PHACTR3: variants seen among roughly 807,000 people sequenced by gnomAD.
The protein encoded by PHACTR3 is protein phosphatase 1, regulatory subunit 123.
Under a neutral mutation model 66.8 loss-of-function variants are expected in PHACTR3, and 16 were observed. The observed-to-expected ratio is 0.24, with a 90% CI of 0.16 to 0.36. PHACTR3 has a LOEUF of 0.36. PHACTR3 is among the 10% of genes least tolerant of loss of function. The pLI, the probability that PHACTR3 is intolerant of heterozygous loss-of-function variation, is 1.00. For synonymous variants in PHACTR3, 323 were observed against 292.1 expected (o/e 1.11, Z -1.08); for missense variants, 647 against 719.9 (o/e 0.90, Z 1.16).
chr20:59,615,099 A>G (rs562734408), intron 1 of PHACTR3, among the ~76,000 whole-genome samples: 19 of 152,134 alleles, frequency 1.2e-4, no homozygotes, highest in African/African-American at 4.1e-4. Context: ...CAGGTTTTCC[A>G]TCAAGAGGGG....
At chr20:59,708,960 A>G (rs570438985) in intron 1 of PHACTR3, among the ~76,000 whole-genome samples, 89 of 152,264 alleles carry the variant, frequency 5.8e-4, no homozygotes, top group African/African-American at 2.1e-3. Flanking sequence ...CCATGGGACT[A>G]CCTTCCAGTC....
intron 4 of PHACTR3, among the ~76,000 whole-genome samples, chr20:59,764,640 G>A (rs1455836575): frequency 6.6e-6 from 1 of 152,162 alleles, no homozygotes; most frequent in Non-Finnish European, 1.5e-5. Flanking sequence ...GAGGCCGGGT[G>A]AGCCAGTTCC....
chr20:59,705,364 T>C lies in PHACTR3; in HGVS notation c.119-37743T>C, dbSNP rs1490050843. Among the ~76,000 whole-genome samples the C allele has an allele frequency of 2.0e-5, 3 of 152,326 alleles. No homozygotes were observed. In the East Asian group the frequency reaches 5.8e-4, roughly 29 times the overall value. On this transcript the variant is annotated intron_variant, in intron 1 of 12. Coordinates refer to ENST00000371015, the MANE Select transcript of PHACTR3 (RefSeq NM_080672.5). ...GAGTTTTATTTCTATGTGTTTAATG[T>C]TTTGCATTGGTTATTGCAGATGAGA...
At chr20:59,833,553 C>T (rs374933654) in intron 8 of PHACTR3, among the ~76,000 whole-genome samples, 10 of 152,050 alleles carry the variant, frequency 6.6e-5, no homozygotes, top group East Asian at 1.9e-4. Flanking sequence ...CAACAAAGGG[C>T]GGGGGGAAGC....
At chr20:59,843,431 C>A (rs1275962159) in intron 11 of PHACTR3, 1 of 151,998 alleles carries the variant, frequency 6.6e-6, no homozygotes, top group Admixed American at 6.6e-5. Context: ...AGGCATCACA[C>A]TAACTTCAAA....
intron 1 of PHACTR3, among the ~76,000 whole-genome samples, chr20:59,606,172 G>A (rs1435473680): frequency 6.6e-6 from 1 of 152,120 alleles, no homozygotes; most frequent in Non-Finnish European, 1.5e-5. Flanking sequence ...TAAATGGTGG[G>A]CATCAGAATC....
At chr20:59,688,568 C>T (rs2036985058) in intron 1 of PHACTR3, among the ~76,000 whole-genome samples, 1 of 152,200 alleles carries the variant, frequency 6.6e-6, no homozygotes, top group African/African-American at 2.4e-5. Flanking sequence ...AATTTCAGCT[C>T]CAACCTCCAA....
intron 1 of PHACTR3, among the ~76,000 whole-genome samples, chr20:59,683,231 G>A (rs1185075516): frequency 1.3e-5 from 2 of 152,206 alleles, no homozygotes; most frequent in East Asian, 3.9e-4. Flanking sequence ...TGGTGGAGCA[G>A]GTTTCAGGGA....
At position 59,767,438 on chromosome 20, in the gene PHACTR3, C is replaced by T. The variant is rs780691776; in HGVS notation, c.751+43C>T. On this transcript the variant is annotated intron_variant, in intron 5 of 12. Transcript: ENST00000371015. The stretch of plus-strand genomic sequence containing the variant: ...CTGCCCATTCTATTTCCTTTCTCTG[C>T]CCCATCCATCCATCTATCCTACATT... 2.6e-6 allele frequency: 4 copies of T among 1,565,230 alleles called. No individual in the cohort carries two copies. The South Asian group carries it at 4.5e-5, about 18-fold the overall frequency.
chr20:59,788,037 C>T lies in PHACTR3; in HGVS notation c.1174+13547C>T, dbSNP rs146839962. On this transcript the variant is annotated intron_variant, in intron 7 of 12. Transcript: ENST00000371015. ...ATGTGAGTAAGTTATTTGTGAGATCCTTGTGCACTCATCACCCAAGCAGTA... is the reference window on the plus strand; with the variant it reads ...ATGTGAGTAAGTTATTTGTGAGATCTTTGTGCACTCATCACCCAAGCAGTA... Among the ~76,000 whole-genome samples the T allele has an allele frequency of 2.5e-3, 376 of 152,206 alleles. 2 individuals carry two copies. Among genetic ancestry groups the T allele is most frequent in the African/African-American group, 8.7e-3 (363 of 41,520 alleles).
At chr20:59,624,558 G>A (rs1045863194) in intron 1 of PHACTR3, among the ~76,000 whole-genome samples, 1 of 152,144 alleles carries the variant, frequency 6.6e-6, no homozygotes. Context: ...CTCCCATGCT[G>A]CTCCTGTGTA....
intron 1 of PHACTR3, among the ~76,000 whole-genome samples, chr20:59,689,325 C>A (rs1016575619): frequency 3.3e-5 from 5 of 152,182 alleles, no homozygotes; most frequent in Non-Finnish European, 7.3e-5. Context: ...GACTGTGGGG[C>A]AGGTCTGAGG....
rs557780478 is a variant in PHACTR3 at position 59,788,518 on chromosome 20, C to G, written c.1174+14028C>G. Reference sequence around the variant, plus strand: ...CTTTCTTCCTGCCATCCTGGCCCCTCTTCCCTGACCCGCCCCTAAAGGTGA... The same window carrying G: ...CTTTCTTCCTGCCATCCTGGCCCCTGTTCCCTGACCCGCCCCTAAAGGTGA... On this transcript the variant is annotated intron_variant, in intron 7 of 12. Coordinates refer to ENST00000371015, the MANE Select transcript of PHACTR3 (RefSeq NM_080672.5). Among the ~76,000 whole-genome samples, 8 of 152,290 alleles carry G rather than the reference C, an allele frequency of 5.3e-5. No homozygotes were observed. The South Asian group carries it at 1.0e-3, about 20-fold the overall frequency.
intron 1 of PHACTR3, among the ~76,000 whole-genome samples, chr20:59,658,328 C>T (rs1235151718): frequency 6.6e-6 from 1 of 150,878 alleles, no homozygotes; most frequent in Non-Finnish European, 1.5e-5. Context: ...CTTTTGAATG[C>T]TTTTTTTTAA....
intron 1 of PHACTR3, among the ~76,000 whole-genome samples, chr20:59,686,878 ATGG>A (rs1376219087): frequency 1.4e-5 from 2 of 145,572 alleles, no homozygotes; most frequent in Admixed American, 6.8e-5. Flanking sequence ...GATTGTGATG[ATGG>A]TGGTGATTGT....
chr20:59,760,213 C>T (rs2039949965), intron 4 of PHACTR3, among the ~76,000 whole-genome samples: 1 of 152,172 alleles, frequency 6.6e-6, no homozygotes, highest in Admixed American at 6.5e-5. Flanking sequence ...CTGAATATTG[C>T]AAATCTCTCA....
intron 4 of PHACTR3, among the ~76,000 whole-genome samples, chr20:59,763,201 CA>C (rs1440255757): frequency 2.0e-5 from 3 of 152,240 alleles, no homozygotes; most frequent in Non-Finnish European, 4.4e-5. Context: ...CTTCCCCCTT[CA>C]CTTGGTACAT....
At chr20:59,807,573 A>T (rs1024048571) in intron 8 of PHACTR3, among the ~76,000 whole-genome samples, 1 of 152,198 alleles carries the variant, frequency 6.6e-6, no homozygotes, top group Non-Finnish European at 1.5e-5. Context: ...GCAGTAACAT[A>T]GTCCTTTCAT....
intron 8 of PHACTR3, among the ~76,000 whole-genome samples, chr20:59,824,896 A>C (rs543877662): frequency 6.6e-6 from 1 of 152,076 alleles, no homozygotes; most frequent in African/African-American, 2.4e-5. Flanking sequence ...ACAACCACAC[A>C]CTCCATGTGG....
Sources: allele counts gnomAD v4.1 joint callset (sites outside exome capture counted in the v4.1 genomes callset), GRCh38; gene constraint gnomAD v4.1.1; transcripts MANE v1.5; gene names NCBI Gene and HGNC (gene_info 2026-07-23, HGNC 2026-07-21).